The following CACNA2D3 variants were observed in gnomAD, a reference collection of about 807,000 sequenced individuals.
CACNA2D3 encodes calcium voltage-gated channel auxiliary subunit alpha2delta 3, also known as voltage-dependent calcium channel subunit alpha-2/delta-3.
Under a neutral mutation model 160.6 loss-of-function variants are expected in CACNA2D3, and 60 were observed. The observed-to-expected ratio is 0.37, with a 90% CI of 0.30 to 0.46. The LOEUF (loss-of-function observed/expected upper bound fraction) is 0.46. Among genes scored for constraint, CACNA2D3 ranks in the 20% least tolerant of loss-of-function variants. The pLI is 1.00. For missense variants in CACNA2D3, 1,205 were observed against 1,365.0 expected (o/e 0.88, Z 1.85); for synonymous variants, 558 against 492.9 (o/e 1.13, Z -1.75).
chr3:54,623,106 G>C (rs1419467593), intron 9 of CACNA2D3, among the ~76,000 whole-genome samples: 1 of 152,208 alleles, frequency 6.6e-6, no homozygotes, highest in Non-Finnish European at 1.5e-5. Context: ...GCCCACATCA[G>C]CTAAAACTGG....
intron 2 of CACNA2D3, among the ~76,000 whole-genome samples, chr3:54,191,844 G>A (rs745446808): frequency 3.9e-5 from 6 of 152,156 alleles, no homozygotes; most frequent in Admixed American, 2.6e-4. Flanking sequence ...GCCCAGATCC[G>A]GTAGTCAATG....
chr3:54,933,087 TCC>T (rs1701241029), intron 27 of CACNA2D3, among the ~76,000 whole-genome samples: 1 of 144,612 alleles, frequency 6.9e-6, no homozygotes, highest in Non-Finnish European at 1.5e-5. Flanking sequence ...CTTCCTTCCT[TCC>T]TTCCTTCCTT....
chr3:54,631,235 CAAAGATAAATGTT>C (rs1394878381), intron 10 of CACNA2D3, among the ~76,000 whole-genome samples: 1 of 151,120 alleles, frequency 6.6e-6, no homozygotes, highest in East Asian at 1.9e-4. Flanking sequence ...CACACACACA[CAAAGATAAATGTT>C]ACAAAATGTC....
chr3:54,253,717 TA>T (rs1226999628), intron 2 of CACNA2D3, among the ~76,000 whole-genome samples: 8 of 152,074 alleles, frequency 5.3e-5, no homozygotes, highest in African/African-American at 1.9e-4. Flanking sequence ...TTGGAGGACT[TA>T]AAGGATAGTG....
At chr3:54,531,152 G>A (rs1701800589) in intron 5 of CACNA2D3, among the ~76,000 whole-genome samples, 1 of 152,216 alleles carries the variant, frequency 6.6e-6, no homozygotes, top group Admixed American at 6.5e-5. Context: ...TCGAAGCTGT[G>A]GGAACAGCTG....
intron 2 of CACNA2D3, among the ~76,000 whole-genome samples, chr3:54,234,795 G>GT (rs1422933244): frequency 1.3e-5 from 2 of 152,076 alleles, no homozygotes; most frequent in Non-Finnish European, 2.9e-5. Context: ...ACTTATAAGT[G>GT]GGAGCTAAAT....
chr3:54,920,824 G>C (rs1193156362), intron 27 of CACNA2D3, among the ~76,000 whole-genome samples: 1 of 152,164 alleles, frequency 6.6e-6, no homozygotes, highest in East Asian at 1.9e-4. Context: ...GACTAGGGTG[G>C]TTTACCCAAT....
chr3:54,288,795 C>G (rs1236877396), intron 2 of CACNA2D3, among the ~76,000 whole-genome samples: 2 of 152,092 alleles, frequency 1.3e-5, no homozygotes, highest in Non-Finnish European at 2.9e-5. Flanking sequence ...TGTAATCCAG[C>G]ATATAAACAG....
At chr3:54,701,049 C>T (rs558799201) in intron 11 of CACNA2D3, among the ~76,000 whole-genome samples, 2 of 152,172 alleles carry the variant, frequency 1.3e-5, no homozygotes, top group Non-Finnish European at 2.9e-5. Context: ...TGGAACTGGG[C>T]CATATTGGAT....
At chr3:54,641,906 G>A (rs1005004623) in intron 10 of CACNA2D3, among the ~76,000 whole-genome samples, 6 of 152,158 alleles carry the variant, frequency 3.9e-5, no homozygotes, top group African/African-American at 1.4e-4. Context: ...TGTTCGGTTG[G>A]TTGGAGGGCT....
At chr3:54,659,272 G>A (rs979372058) in intron 11 of CACNA2D3, among the ~76,000 whole-genome samples, 1 of 152,244 alleles carries the variant, frequency 6.6e-6, no homozygotes, top group Non-Finnish European at 1.5e-5. Flanking sequence ...CCAGAGTGGT[G>A]CCTGGCACAC....
intron 4 of CACNA2D3, among the ~76,000 whole-genome samples, chr3:54,440,533 C>T (rs1700127433): frequency 1.3e-5 from 2 of 152,072 alleles, no homozygotes; most frequent in Admixed American, 6.6e-5. Flanking sequence ...ATGTACACAA[C>T]ATGCAGCTTA....
chr3:54,910,647 C>G (rs1342525595), intron 27 of CACNA2D3, among the ~76,000 whole-genome samples: 1 of 152,124 alleles, frequency 6.6e-6, no homozygotes, highest in Non-Finnish European at 1.5e-5. Context: ...TATTTACTCT[C>G]AAGGCTTTGA....
intron 27 of CACNA2D3, among the ~76,000 whole-genome samples, chr3:54,945,693 G>T (rs1411380102): frequency 6.6e-6 from 1 of 152,172 alleles, no homozygotes; most frequent in East Asian, 1.9e-4. Flanking sequence ...ATGCAGGTTT[G>T]ACAGTGGTTC....
At chr3:54,248,076 C>T (rs376799729) in intron 2 of CACNA2D3, among the ~76,000 whole-genome samples, 11 of 152,060 alleles carry the variant, frequency 7.2e-5, no homozygotes, top group African/African-American at 2.7e-4. Context: ...TCAGTTGTGT[C>T]CTCCCACCTC....
At chr3:54,330,493 G>C (rs1287718217) in intron 3 of CACNA2D3, among the ~76,000 whole-genome samples, 11 of 152,144 alleles carry the variant, frequency 7.2e-5, no homozygotes, top group Non-Finnish European at 1.3e-4. Flanking sequence ...ACCTCAAGCA[G>C]GTGTTTCTGC....
At chr3:55,061,383 A>G (rs1704501786) in intron 35 of CACNA2D3, among the ~76,000 whole-genome samples, 1 of 152,164 alleles carries the variant, frequency 6.6e-6, no homozygotes. Context: ...AGCCATGCTT[A>G]TGGCTTCTAG....
At chr3:54,722,133 T>G (rs1701180650) in intron 11 of CACNA2D3, among the ~76,000 whole-genome samples, 1 of 152,212 alleles carries the variant, frequency 6.6e-6, no homozygotes, top group Non-Finnish European at 1.5e-5. Context: ...TTCTCTAATC[T>G]TGTCTTCTTG....
intron 3 of CACNA2D3, among the ~76,000 whole-genome samples, chr3:54,346,547 G>A (rs1004234136): frequency 6.6e-6 from 1 of 152,126 alleles, no homozygotes; most frequent in East Asian, 1.9e-4. Flanking sequence ...GGGAGAACAG[G>A]TTTAGGTTTA....
Sources: gnomAD v4.1 joint callset for allele counts (sites outside exome capture counted in the v4.1 genomes callset) on GRCh38, gnomAD v4.1.1 for gene constraint, MANE v1.5 for transcripts, NCBI Gene and HGNC (gene_info 2026-07-23, HGNC 2026-07-21) for gene names.